CHRD: variants seen among roughly 807,000 people sequenced by gnomAD.
CHRD encodes the protein chordin.
Under a neutral mutation model 113.7 loss-of-function variants are expected in CHRD, and 69 were observed. That is an observed-to-expected ratio of 0.61 (90% CI 0.50 to 0.74). The LOEUF (loss-of-function observed/expected upper bound fraction) is 0.74. CHRD is among the 30% of genes least tolerant of loss of function. The pLI, the probability that CHRD is intolerant of heterozygous loss-of-function variation, is 0.00. For synonymous variants in CHRD, 561 were observed against 540.8 expected (o/e 1.04, Z -0.52); for missense variants, 1,194 against 1,295.8 (o/e 0.92, Z 1.21).
chr3:184,387,294 G>T lies in CHRD; in HGVS notation c.2348-80G>T, dbSNP rs901933819. On this transcript the variant is annotated intron_variant, in intron 18 of 22. Transcript: ENST00000204604. This position sits in a 1 kb window ranked among gnomAD's most constrained non-coding sequence, Gnocchi z 6.1. Reference sequence around the variant, plus strand: ...GCCCTTGGCTTAGGCTCGTGTGGGGGTGGCCTGAGGCTCAAGCCTTGGTTG... The same window carrying T: ...GCCCTTGGCTTAGGCTCGTGTGGGGTTGGCCTGAGGCTCAAGCCTTGGTTG... 2.7e-6 allele frequency: 4 copies of T among 1,489,954 alleles called. No homozygotes were observed. In the South Asian group the frequency reaches 5.0e-5, roughly 19 times the overall value. The allele number at this position is 1,489,954 out of a possible 1,614,324, so 92.3% of individuals were successfully genotyped here.
Position 184,388,122 on chromosome 3 carries a change from G to A in CHRD, c.2554+89G>A, listed in dbSNP as rs888203203. The A allele has an allele frequency of 1.8e-6, 2 of 1,103,762 alleles. No individual in the cohort carries two copies. The highest frequency in any genetic ancestry group is 1.3e-5 in the South Asian group (1 of 75,378). 68.4% of individuals were successfully genotyped at this position (1,103,762 alleles called of 1,614,324 possible). A position where few individuals can be genotyped will look rare whatever the true frequency, so the allele number is the denominator to read the frequency against. ...AGGGGAAGGGTGCTCAGTTAATTGA[G>A]CATTATACTGAGCACTGCTCTGTGC... On this transcript the variant is annotated intron_variant, in intron 20 of 22. Coordinates refer to ENST00000204604, the Ensembl canonical transcript of CHRD. The surrounding 1 kb of genome is among the most constrained non-coding windows in gnomAD (Gnocchi z 6.1).
At chr3:184,382,976 G>T (rs758937996) in intron 9 of CHRD, 38 bp downstream of exon 9, 1 of 1,613,020 alleles carries the variant, frequency 6.2e-7, no homozygotes, top group Non-Finnish European at 8.5e-7. Flanking sequence ...ACCTGTCTTG[G>T]CCTCTTGCTA....
At chr3:184,383,641 C>A (rs148110430) in exon 12 of CHRD, 1 of 1,605,214 alleles carries the variant, frequency 6.2e-7, no homozygotes, top group Middle Eastern at 1.7e-4. Flanking sequence ...GGAGGACACA[C>A]GGTGAGGGCT....
chr3:184,386,162 AG>A lies in CHRD; in HGVS notation c.1932+5del. The A allele has an allele frequency of 6.2e-7, 1 of 1,613,928 alleles. No homozygotes were observed. Among genetic ancestry groups the A allele is most frequent in the Non-Finnish European group, 8.5e-7 (1 of 1,179,880 alleles). On this transcript the variant is annotated splice_donor_region_variant and intron_variant, in intron 15 of 22. Transcript: ENST00000204604. ...CCAGAGGGGAGCTCCGAGGGCAGGT[AG>A]GTGGCGAGTGTGGGCAGTGGGGGCA...
In CHRD at chr3:184,383,173, G is replaced by GC. The variant is rs3833587; in HGVS notation, c.1213+10_1213+11insC. Reference sequence around the variant, plus strand: ...AGGAAGAGCTGCGACGGTGAGGCGGGGGGGGGGCCTGGTGCGCCGGGCATG... The same window carrying GC: ...AGGAAGAGCTGCGACGGTGAGGCGGGCGGGGGGGCCTGGTGCGCCGGGCATG... On this transcript the variant is annotated intron_variant, in intron 10 of 22. Transcript: ENST00000204604. 6.3e-7 allele frequency: 1 copy of GC among 1,593,194 alleles called. No homozygotes were observed. Among genetic ancestry groups the GC allele is most frequent in the Non-Finnish European group, 8.6e-7 (1 of 1,169,210 alleles).
At chr3:184,383,051 A>G in exon 10 of CHRD, 1 of 1,612,206 alleles carries the variant, frequency 6.2e-7, no homozygotes, top group South Asian at 1.1e-5. Context: ...CCAACCTGAC[A>G]GTCCAGGAGA....
chr3:184,380,629 A>T lies in CHRD; in HGVS notation c.149-63A>T. The T allele has an allele frequency of 7.7e-7, 1 of 1,303,334 alleles. No individual in the cohort carries two copies. 80.7% of individuals were successfully genotyped at this position (1,303,334 alleles called of 1,614,324 possible). A position where few individuals can be genotyped will look rare whatever the true frequency, so the allele number is the denominator to read the frequency against. On this transcript the variant is annotated intron_variant, in intron 1 of 22. Transcript: ENST00000204604. The surrounding 1 kb of genome is among the most constrained non-coding windows in gnomAD (Gnocchi z 6.3). ...TGCCTGGGACCCGGGACCCGCGGGC[A>T]GCCCCCGGGGCGGCACACGGCGCGA... is the stretch of plus-strand genomic sequence containing the variant.
In CHRD at chr3:184,381,037, C is replaced by T. The variant is rs947748692; in HGVS notation, c.253-198C>T. ...CCTGCTCATCTAACTCTCATGGCAG[C>T]CTTGCTAGATAGAGAGTATTATTAT... On this transcript the variant is annotated intron_variant, in intron 2 of 22. Transcript: ENST00000204604. This position sits in a 1 kb window ranked among gnomAD's most constrained non-coding sequence, Gnocchi z 4.7. The T allele has an allele frequency of 1.1e-5, 8 of 757,852 alleles. No homozygotes were observed. In the African/African-American group the frequency reaches 1.4e-4, roughly 13 times the overall value. 46.9% of individuals were successfully genotyped at this position (757,852 alleles called of 1,614,324 possible).
Position 184,387,285 on chromosome 3 carries a change from C to T in CHRD, c.2348-89C>T, listed in dbSNP as rs1716480943. The T allele has an allele frequency of 1.1e-5, 16 of 1,458,836 alleles. No homozygotes were observed. Among genetic ancestry groups the T allele is most frequent in the South Asian group, 7.7e-5 (6 of 78,192 alleles). 90.4% of individuals were successfully genotyped at this position (1,458,836 alleles called of 1,614,324 possible). Reference sequence around the variant, plus strand: ...CCCAGGTGGGCCCTTGGCTTAGGCTCGTGTGGGGGTGGCCTGAGGCTCAAG... The same window carrying T: ...CCCAGGTGGGCCCTTGGCTTAGGCTTGTGTGGGGGTGGCCTGAGGCTCAAG... On this transcript the variant is annotated intron_variant, in intron 18 of 22. Coordinates refer to ENST00000204604, the Ensembl canonical transcript of CHRD. The surrounding 1 kb of genome is among the most constrained non-coding windows in gnomAD (Gnocchi z 6.1).
chr3:184,386,563 G>A, exon 16 of CHRD: 2 of 1,554,136 alleles, frequency 1.3e-6, no homozygotes, highest in African/African-American at 1.4e-5. Context: ...GGGTGCGGGC[G>A]CTGGGGGCTC....
intron 7 of CHRD, 46 bp from the exon 8 acceptor site, chr3:184,382,588 G>T (rs549778814): frequency 5.6e-6 from 9 of 1,609,764 alleles, no homozygotes; most frequent in Admixed American, 5.0e-5. Flanking sequence ...ACCCAGGAAA[G>T]GGGGGGAGGG....
exon 23 of CHRD, chr3:184,389,674 C>G: frequency 1.9e-6 from 1 of 521,654 alleles, no homozygotes; most frequent in Non-Finnish European, 3.5e-6. Flanking sequence ...AGCCCCACCC[C>G]TTTCCTCCTG....
Position 184,387,971 on chromosome 3 carries a change from C to A in CHRD, c.2492C>A (p.Pro831His), listed in dbSNP as rs1359399284. 6.2e-7 allele frequency: 1 copy of A among 1,613,498 alleles called. No individual in the cohort carries two copies. The highest frequency in any genetic ancestry group is 1.3e-5 in the African/African-American group (1 of 74,892). Residue 831 changes from proline to histidine, a missense_variant, in exon 20 of 23, where the codon CCC becomes CAC. Coordinates refer to ENST00000204604, the Ensembl canonical transcript of CHRD. This position sits in a 1 kb window ranked among gnomAD's most constrained non-coding sequence, Gnocchi z 6.1. ...GTGCACTGTGAGAAGGTGCAGTGTC[C>A]CCGGCTGGCCTGTGCCCAGCCTGTG...
In CHRD at chr3:184,388,962, C is replaced by T. The variant is rs571279136; in HGVS notation, c.2779C>T (p.Arg927Ter). The change falls in exon 22 of 23, where the codon CGA becomes TGA. Residue 927 changes from arginine to a stop codon, truncating the protein, a stop_gained. Transcript: ENST00000204604. LOFTEE classifies it high-confidence loss of function. The surrounding 1 kb of genome is among the most constrained non-coding windows in gnomAD (Gnocchi z 6.1). ...GTCCTGTGGCTCGGGGAAGGAGAGT[C>T]GATGCTGTTCCCGCTGCACGGCCCA... 5.0e-6 allele frequency: 8 copies of T among 1,612,420 alleles called. No homozygotes were observed. The highest frequency in any genetic ancestry group is 1.7e-5 in the Admixed American group (1 of 60,008).
chr3:184,388,387 GCATCCATCCATCCATC>G lies in CHRD; in HGVS notation c.2555-170_2555-155del, dbSNP rs61133846. Among the ~76,000 whole-genome samples the G allele has an allele frequency of 7.5e-3, 1,095 of 146,102 alleles. 14 individuals are homozygous for G. The highest frequency in any genetic ancestry group is 0.025 in the African/African-American group (975 of 39,534). On this transcript the variant is annotated intron_variant, in intron 20 of 22. Transcript: ENST00000204604. The surrounding 1 kb of genome is among the most constrained non-coding windows in gnomAD (Gnocchi z 6.1). ...TCCATCCACCCATCCACCCATTGAT[GCATCCATCCATCCATC>G]CATCCATCCATCCATCCATCCATCC...
At position 184,380,685 on chromosome 3, in the gene CHRD, C is replaced by G. The variant is rs751498580; in HGVS notation, c.149-7C>G. On this transcript the variant is annotated splice_polypyrimidine_tract_variant and splice_region_variant and intron_variant, in intron 1 of 22. Transcript: ENST00000204604. The surrounding 1 kb of genome is among the most constrained non-coding windows in gnomAD (Gnocchi z 6.3). ...GCAGCGGCCTCCAGCCAAGCCCGTC[C>G]CCGCAGGCTGCACCTTCGGCGGGAA... The G allele has an allele frequency of 4.4e-6, 7 of 1,576,686 alleles. No individual in the cohort carries two copies. In the African/African-American group the frequency reaches 9.8e-5, roughly 22 times the overall value.
At position 184,381,520 on chromosome 3, in the gene CHRD, C is replaced by T. The variant is rs980833271; in HGVS notation, c.407C>T (p.Pro136Leu). ...GAGCGCAGCAGTTCGGAGCGGCAGC[C>T]GAGCGGCCTGTCCTTCGAGTATCCG... The change falls in exon 4 of 23, where the codon CCG becomes CTG. Residue 136 changes from proline to leucine, a missense_variant. Coordinates refer to ENST00000204604, the Ensembl canonical transcript of CHRD. This position sits in a 1 kb window ranked among gnomAD's most constrained non-coding sequence, Gnocchi z 4.7. The T allele has an allele frequency of 1.9e-6, 3 of 1,600,976 alleles. No individual in the cohort carries two copies. The highest frequency in any genetic ancestry group is 2.6e-6 in the Non-Finnish European group (3 of 1,174,186).
In CHRD at chr3:184,388,890, C is replaced by A; in HGVS notation, c.2710-3C>A. On this transcript the variant is annotated splice_polypyrimidine_tract_variant and splice_region_variant and intron_variant, in intron 21 of 22. Coordinates refer to ENST00000204604, the Ensembl canonical transcript of CHRD. The surrounding 1 kb of genome is among the most constrained non-coding windows in gnomAD (Gnocchi z 6.1). ...ACTCAGTGTCTGCTCTGTCTTGTAC[C>A]AGGCAGGGGTGCCTCACTGTGAGCG... 6.2e-7 allele frequency: 1 copy of A among 1,612,250 alleles called. No homozygotes were observed. Among genetic ancestry groups the A allele is most frequent in the Non-Finnish European group, 8.5e-7 (1 of 1,178,952 alleles).
rs756777032 is a variant in CHRD, at chr3:184,382,592, G to A, written c.842-42G>A. The A allele has an allele frequency of 3.7e-6, 6 of 1,610,826 alleles. No individual in the cohort carries two copies. The Admixed American group carries it at 8.3e-5, about 22-fold the overall frequency. ...TCTTCTCTATCACCCAGGAAAGGGG[G>A]GGAGGGTTTCTGACGGGCTCTCATC... is the stretch of plus-strand genomic sequence containing the variant. On this transcript the variant is annotated intron_variant, in intron 7 of 22. Transcript: ENST00000204604.
Sources: gnomAD v4.1 joint callset for allele counts (sites outside exome capture counted in the v4.1 genomes callset) on GRCh38, gnomAD v4.1.1 for gene constraint, Gnocchi (gnomAD v3.1) non-coding constraint, MANE v1.5 for transcripts, NCBI Gene and HGNC (gene_info 2026-07-23, HGNC 2026-07-21) for gene names.